GSE1: variants seen among roughly 807,000 people sequenced by gnomAD.
The protein encoded by GSE1 is genetic suppressor element 1.
Under a neutral mutation model 112.6 loss-of-function variants are expected in GSE1, and 32 were observed. That is an observed-to-expected ratio of 0.28 (90% CI 0.21 to 0.38). The LOEUF is 0.38. Ranked by LOEUF, GSE1 falls within the 10% of genes least tolerant of loss-of-function variation. GSE1 has a pLI of 1.00. For synonymous variants in GSE1, 1,115 were observed against 735.6 expected (o/e 1.52, Z -8.35); for missense variants, 2,348 against 1,699.2 (o/e 1.38, Z -6.71).
At chr16:85,647,751 T>G (rs900798067) in intron 2 of GSE1, among the ~76,000 whole-genome samples, 2 of 152,094 alleles carry the variant, frequency 1.3e-5, no homozygotes, top group Non-Finnish European at 1.5e-5. Flanking sequence ...CACGCCCGGC[T>G]AATATTTGTA....
intron 1 of GSE1, among the ~76,000 whole-genome samples, chr16:85,234,345 G>C (rs1904378613): frequency 6.6e-6 from 1 of 152,078 alleles, no homozygotes; most frequent in Admixed American, 6.5e-5. Flanking sequence ...TCTTGGTCTT[G>C]GTCTGTACAG....
At chr16:85,181,864 T>C (rs996188826) in intron 1 of GSE1, among the ~76,000 whole-genome samples, 2 of 152,170 alleles carry the variant, frequency 1.3e-5, no homozygotes, top group African/African-American at 4.8e-5. Flanking sequence ...CCCGAGAGCA[T>C]GGCGGGGCCT....
At chr16:85,533,488 A>G (rs1211330713) in intron 2 of GSE1, among the ~76,000 whole-genome samples, 1 of 152,196 alleles carries the variant, frequency 6.6e-6, no homozygotes, top group Non-Finnish European at 1.5e-5. Context: ...AGAGATCTTT[A>G]ACATGTAGTA....
At chr16:85,393,849 GGGCA>G (rs552001554) in intron 2 of GSE1, among the ~76,000 whole-genome samples, 233 of 152,286 alleles carry the variant, frequency 1.5e-3, no homozygotes, top group African/African-American at 5.4e-3. Context: ...TCCCCACCAC[GGGCA>G]GGTGGGCCTT....
chr16:85,261,951 C>A (rs1907736240), intron 1 of GSE1, among the ~76,000 whole-genome samples: 1 of 152,138 alleles, frequency 6.6e-6, no homozygotes, highest in Non-Finnish European at 1.5e-5. Context: ...AGGCTCTCCC[C>A]CATGCCTTAT....
intron 1 of GSE1, among the ~76,000 whole-genome samples, chr16:85,258,701 C>T (rs536550310): frequency 2.0e-5 from 3 of 152,290 alleles, no homozygotes; most frequent in South Asian, 2.1e-4. Flanking sequence ...ATGTCCTTCC[C>T]GCCTGGTCAG....
intron 1 of GSE1, among the ~76,000 whole-genome samples, chr16:85,196,628 A>G (rs1451518213): frequency 6.6e-6 from 1 of 152,014 alleles, no homozygotes; most frequent in Non-Finnish European, 1.5e-5. Context: ...TGGAACACAG[A>G]CGTGCTCTTT....
intron 1 of GSE1, among the ~76,000 whole-genome samples, chr16:85,603,205 C>T (rs1315437039): frequency 6.6e-6 from 1 of 152,234 alleles, no homozygotes; most frequent in Non-Finnish European, 1.5e-5. Context: ...GGGAGCTCAG[C>T]TGGGGGAGGG....
At chr16:85,449,012 C>T (rs1019349225) in intron 2 of GSE1, among the ~76,000 whole-genome samples, 3 of 152,214 alleles carry the variant, frequency 2.0e-5, no homozygotes, top group Non-Finnish European at 4.4e-5. Context: ...CAGGAGGCCT[C>T]TCAGGCGTCA....
chr16:85,170,269 A>G, exon 1 of GSE1: 1 of 985,678 alleles, frequency 1.0e-6, no homozygotes, highest in Non-Finnish European at 1.2e-6. Context: ...TGGGGAGCCC[A>G]AGTCCGGGGT....
chr16:85,503,988 GGTGGTCA>G (rs2151917881), intron 2 of GSE1, among the ~76,000 whole-genome samples: 1 of 152,330 alleles, frequency 6.6e-6, no homozygotes, highest in East Asian at 1.9e-4. Flanking sequence ...CAGGTGTGGC[GGTGGTCA>G]CCGGAGCCCG....
At chr16:85,211,723 C>T (rs890016747) in intron 1 of GSE1, among the ~76,000 whole-genome samples, 1 of 152,180 alleles carries the variant, frequency 6.6e-6, no homozygotes, top group African/African-American at 2.4e-5. Flanking sequence ...CCCATGGAGC[C>T]TGACAGGGTA....
At chr16:85,664,338 C>T (rs1176674220) in intron 11 of GSE1, among the ~76,000 whole-genome samples, 1 of 152,230 alleles carries the variant, frequency 6.6e-6, no homozygotes, top group South Asian at 2.1e-4. Flanking sequence ...CTTCTTGGAC[C>T]TTGAGCAGCT....
chr16:85,337,085 G>A (rs1375480682), intron 1 of GSE1, among the ~76,000 whole-genome samples: 2 of 152,248 alleles, frequency 1.3e-5, no homozygotes, highest in Non-Finnish European at 2.9e-5. Flanking sequence ...CCCCAGCATC[G>A]AGGGGCTGGC....
chr16:85,268,361 C>T (rs1908476710), intron 1 of GSE1, among the ~76,000 whole-genome samples: 1 of 152,156 alleles, frequency 6.6e-6, no homozygotes, highest in Non-Finnish European at 1.5e-5. Flanking sequence ...TGCCAGGTCC[C>T]CACTGAGTGA....
In GSE1 at chr16:85,488,991, C is replaced by G. The variant is rs148737789; in HGVS notation, c.2464+131348C>G. On this transcript the variant is annotated intron_variant, in intron 2 of 2. Transcript: ENST00000637419. ...GTGTTTGCAGTGATTCTTTCCCGCT[C>G]CATGAGGCAACATGGTACAAATTAC... 2.0e-3 allele frequency among the ~76,000 whole-genome samples: 306 copies of G among 152,174 alleles called. 1 individual carries two copies. The highest frequency in any genetic ancestry group is 7.2e-3 in the African/African-American group (298 of 41,526).
intron 8 of GSE1, among the ~76,000 whole-genome samples, chr16:85,658,678 C>G (rs1567743043): frequency 6.6e-6 from 1 of 152,228 alleles, no homozygotes; most frequent in Admixed American, 6.5e-5. Context: ...TCCCTTCTGC[C>G]TCTCCCAGCC....
intron 8 of GSE1, 109 bp from the exon 9 acceptor site, chr16:85,661,036 TA>T: frequency 1.9e-6 from 2 of 1,031,906 alleles, no homozygotes; most frequent in Non-Finnish European, 2.8e-6. Context: ...ACTGGCTCTC[TA>T]AGGGGCTGCG....
At chr16:85,199,089 C>T (rs974159890) in intron 1 of GSE1, among the ~76,000 whole-genome samples, 4 of 152,122 alleles carry the variant, frequency 2.6e-5, no homozygotes, top group African/African-American at 9.7e-5. Flanking sequence ...GGATCACAGG[C>T]ATGTGCTACC....
Sources: gnomAD v4.1 joint callset for allele counts (sites outside exome capture counted in the v4.1 genomes callset) on GRCh38, gnomAD v4.1.1 for gene constraint, MANE v1.5 for transcripts, NCBI Gene and HGNC (gene_info 2026-07-23, HGNC 2026-07-21) for gene names.